ERGIC1: variants seen among roughly 807,000 people sequenced by gnomAD.
The protein encoded by ERGIC1 is endoplasmic reticulum-Golgi intermediate compartment protein 1.
ERGIC1 carries 19 observed loss-of-function variants against 38.3 expected under a neutral mutation model. The ratio of observed to expected loss-of-function variants is 0.50; its 90% CI spans 0.35 to 0.73. The LOEUF (loss-of-function observed/expected upper bound fraction) is 0.73. Ranked by LOEUF, ERGIC1 falls within the 30% of genes least tolerant of loss-of-function variation. The probability of loss-of-function intolerance (pLI) is 0.01; values close to 1 mark genes in which losing one functional copy is unlikely to be tolerated. For synonymous variants in ERGIC1, 124 were observed against 157.6 expected, an observed-to-expected ratio of 0.79 and a Z score of 1.60; for missense variants, 294 against 389.2, an observed-to-expected ratio of 0.76 and a Z score of 2.06.
intron 1 of ERGIC1, among the ~76,000 whole-genome samples, chr5:172,871,290 G>A (rs1309412042): frequency 6.6e-6 from 1 of 152,172 alleles, no homozygotes; most frequent in African/African-American, 2.4e-5. Flanking sequence ...CAGCCTCGCT[G>A]CTGTTCCAGG....
chr5:172,910,061 T>C (rs577497877), intron 4 of ERGIC1, among the ~76,000 whole-genome samples: 1 of 152,186 alleles, frequency 6.6e-6, no homozygotes, highest in East Asian at 1.9e-4. Context: ...TGCAAGTGAC[T>C]TGTTGAGGGG....
intron 1 of ERGIC1, among the ~76,000 whole-genome samples, chr5:172,835,650 C>T (rs140321013): frequency 1.3e-5 from 2 of 152,148 alleles, no homozygotes; most frequent in East Asian, 3.9e-4. Flanking sequence ...ACAGTCTACC[C>T]AGAGAGAAAG....
At chr5:172,930,770 C>T (rs1470408839) in intron 7 of ERGIC1, among the ~76,000 whole-genome samples, 3 of 152,206 alleles carry the variant, frequency 2.0e-5, no homozygotes, top group Admixed American at 1.3e-4. Flanking sequence ...GTCTTGGGCT[C>T]TTGTTTTAAA....
intron 1 of ERGIC1, among the ~76,000 whole-genome samples, chr5:172,885,914 A>G (rs1561717495): frequency 6.6e-6 from 1 of 152,124 alleles, no homozygotes; most frequent in South Asian, 2.1e-4. Context: ...GCATTTGAGA[A>G]TGGTGAACTT....
In ERGIC1 at chr5:172,914,786, C is replaced by T. The variant is rs781737586; in HGVS notation, c.323C>T (p.Pro108Leu). 2.4e-5 allele frequency: 39 copies of T among 1,614,052 alleles called. No individual in the cohort carries two copies. The highest frequency in any genetic ancestry group is 2.3e-4 in the South Asian group (21 of 91,084). ...CACATCGACAACTCCATGAAGATCC[C>T]GCTGAACAATGGGGCAGGCTGCCGC... ...VGHIDNSMKI[P>L]LNNGAGCRFE... is the part of the protein sequence containing the mutation. Residue 108 changes from proline to leucine, a missense_variant, in exon 5 of 10, where the codon CCG (proline) becomes CTG (leucine). By Grantham distance (98) the Pro-to-Leu change is moderately conservative (BLOSUM62 -3). Around this residue, in one of 3 missense-constraint regions of ERGIC1, gnomAD observed 163 missense variants for 225.8 expected, o/e 0.72. Coordinates refer to ENST00000393784, the MANE Select transcript of ERGIC1 (RefSeq NM_001031711.3).
chr5:172,835,720 G>A (rs1761017754), intron 1 of ERGIC1, among the ~76,000 whole-genome samples: 1 of 152,208 alleles, frequency 6.6e-6, no homozygotes, highest in Non-Finnish European at 1.5e-5. Context: ...GCCCAAAGAG[G>A]ACACTGGTCT....
intron 1 of ERGIC1, chr5:172,866,856 C>G: frequency 1.9e-5 from 6 of 309,300 alleles, no homozygotes; most frequent in South Asian, 1.5e-4. Flanking sequence ...TTTCTTGACT[C>G]TAGCTCCAGG....
chr5:172,900,434 C>T (rs1762842186), intron 3 of ERGIC1, among the ~76,000 whole-genome samples: 1 of 152,106 alleles, frequency 6.6e-6, no homozygotes, highest in Non-Finnish European at 1.5e-5. Flanking sequence ...GGGCCAGGTG[C>T]AGTGGCTCAC....
chr5:172,902,612 G>A (rs537339185), intron 3 of ERGIC1, among the ~76,000 whole-genome samples: 1 of 152,184 alleles, frequency 6.6e-6, no homozygotes, highest in African/African-American at 2.4e-5. Flanking sequence ...TGGAGCAGGG[G>A]TGGGCAGAAC....
intron 1 of ERGIC1, among the ~76,000 whole-genome samples, chr5:172,884,974 C>T (rs1178282366): frequency 6.6e-6 from 1 of 152,086 alleles, no homozygotes; most frequent in Non-Finnish European, 1.5e-5. Flanking sequence ...CATGTTTGAC[C>T]AGTCTCTCTG....
intron 1 of ERGIC1, among the ~76,000 whole-genome samples, chr5:172,845,032 G>T (rs527334281): frequency 1.3e-4 from 12 of 93,874 alleles, no homozygotes. Context: ...TGAGGAGGAC[G>T]CAGGGGTATA....
At chr5:172,887,306 G>GCC (rs1196431714) in intron 1 of ERGIC1, among the ~76,000 whole-genome samples, 1 of 152,194 alleles carries the variant, frequency 6.6e-6, no homozygotes, top group East Asian at 1.9e-4. Context: ...GACTAAGGAG[G>GCC]GTTCTGTCGA....
chr5:172,893,184 G>A (rs2113287190), intron 2 of ERGIC1, among the ~76,000 whole-genome samples: 1 of 152,202 alleles, frequency 6.6e-6, no homozygotes, highest in African/African-American at 2.4e-5. Context: ...TTTCACTCTT[G>A]TTGCCCAGCC....
rs580037 is a variant in ERGIC1, at chr5:172,939,426, G to A, written c.765+4116G>A. On this transcript the variant is annotated intron_variant, in intron 9 of 9. Coordinates refer to ENST00000393784, the MANE Select transcript of ERGIC1 (RefSeq NM_001031711.3). Reference sequence around the variant, plus strand: ...GCAGAGGCGCCCAGTATAACATGTCGTATGAAGTCCATGCCACCCCCTTTG... The same window carrying A: ...GCAGAGGCGCCCAGTATAACATGTCATATGAAGTCCATGCCACCCCCTTTG... Among the ~76,000 whole-genome samples the A allele has an allele frequency of 3.4e-3, 525 of 152,340 alleles. 8 individuals are homozygous for A. The highest frequency in any genetic ancestry group is 0.011 in the African/African-American group (459 of 41,584).
chr5:172,892,558 C>T (rs1762594485), intron 2 of ERGIC1, among the ~76,000 whole-genome samples: 1 of 152,134 alleles, frequency 6.6e-6, no homozygotes, highest in African/African-American at 2.4e-5. Context: ...GGTTTCCTAC[C>T]ATCAAGCCTT....
chr5:172,915,165 G>T (rs1303523860), intron 5 of ERGIC1: 1 of 646,322 alleles, frequency 1.5e-6, no homozygotes, highest in African/African-American at 1.8e-5. Flanking sequence ...GCCCCTACAA[G>T]TCACTTGACC....
intron 9 of ERGIC1, among the ~76,000 whole-genome samples, chr5:172,943,080 G>A (rs1400621363): frequency 6.6e-6 from 1 of 152,134 alleles, no homozygotes; most frequent in Non-Finnish European, 1.5e-5. Context: ...CCCTGTGACT[G>A]TGGACAAGTC....
intron 1 of ERGIC1, among the ~76,000 whole-genome samples, chr5:172,876,646 T>C (rs922373865): frequency 2.6e-5 from 4 of 152,200 alleles, no homozygotes; most frequent in Non-Finnish European, 4.4e-5. Flanking sequence ...TGTGAAAAAT[T>C]TGACATATGT....
intron 2 of ERGIC1, among the ~76,000 whole-genome samples, 180 bp from the exon 3 acceptor site, chr5:172,896,822 C>A (rs1375411725): frequency 2.0e-5 from 3 of 152,202 alleles, no homozygotes; most frequent in Non-Finnish European, 4.4e-5. Context: ...AGACCAGTAC[C>A]CCAAAGGCAG....
Sources: allele counts gnomAD v4.1 joint callset (sites outside exome capture counted in the v4.1 genomes callset), GRCh38; gene constraint gnomAD v4.1.1; regional missense constraint gnomAD v4.1.1; transcripts MANE v1.5; gene names NCBI Gene and HGNC (gene_info 2026-07-23, HGNC 2026-07-21).